Variants in TGFB3 observed in about 807,000 individuals in gnomAD.
The protein encoded by TGFB3 is transforming growth factor beta 3, also known as transforming growth factor beta-3 proprotein.
Under a neutral mutation model 40.1 loss-of-function variants are expected in TGFB3, and 5 were observed. The ratio of observed to expected loss-of-function variants is 0.12; its 90% CI spans 0.07 to 0.26. TGFB3 has a LOEUF of 0.26. Ranked by LOEUF, TGFB3 falls within the 10% of genes least tolerant of loss-of-function variation. The pLI is 1.00. For synonymous variants in TGFB3, 184 were observed against 205.6 expected (o/e 0.89, Z 0.90); for missense variants, 373 against 530.1 (o/e 0.70, Z 2.91).
At position 75,963,030 on chromosome 14, in the gene TGFB3, C is replaced by T. The variant is rs1392639505; in HGVS notation, c.926+286G>A. ...ATGGAGAGGCTTTGACCAAGCCTCT[C>T]CAATCCAAACTATTTTAGCAACACT... On this transcript the variant is annotated intron_variant, in intron 5 of 6. Transcript: ENST00000238682. 18 of 531,500 alleles carry T rather than the reference C, an allele frequency of 3.4e-5. No individual in the cohort carries two copies. The South Asian group carries it at 3.5e-4, about 10-fold the overall frequency. 32.9% of individuals were successfully genotyped at this position (531,500 alleles called of 1,614,324 possible).
Position 75,968,323 on chromosome 14 carries a change from G to A in TGFB3, c.647-2628C>T, listed in dbSNP as rs2140242527. Among the ~76,000 whole-genome samples the A allele has an allele frequency of 2.0e-5, 3 of 152,206 alleles. No homozygotes were observed. The South Asian group carries it at 6.2e-4, about 32-fold the overall frequency. ...TACAAACCTGTGTGATGATTCCCCT[G>A]TGGGAAAGGTGGGCAGTATCTGCCT... On this transcript the variant is annotated intron_variant, in intron 3 of 6. Transcript: ENST00000238682.
At chr14:75,960,714 G>T in intron 6 of TGFB3, 1 of 637,434 alleles carries the variant, frequency 1.6e-6, no homozygotes, top group Non-Finnish European at 2.7e-6. Context: ...TTAAAAAGCT[G>T]GTTGAAACTA....
rs377437504 is a variant in TGFB3 at position 75,980,104 on chromosome 14, T to C, written c.352+438A>G. 6.6e-6 allele frequency among the ~76,000 whole-genome samples: 1 copy of C among 152,100 alleles called. No homozygotes were observed. The highest frequency in any genetic ancestry group is 1.5e-5 in the Non-Finnish European group (1 of 67,998). The stretch of plus-strand genomic sequence containing the variant: ...TGAAACGGAGACGTGTCACAATGAG[T>C]TGTGAAAAGCAGGGAGAAGATGAGG... On this transcript the variant is annotated intron_variant, in intron 1 of 6. Transcript: ENST00000238682. This position sits in a 1 kb window ranked among gnomAD's most constrained non-coding sequence, Gnocchi z 4.3.
At chr14:75,966,848 CT>C (rs1379860837) in intron 3 of TGFB3, 1 of 152,272 alleles carries the variant, frequency 6.6e-6, no homozygotes, top group Non-Finnish European at 1.5e-5. Flanking sequence ...CAGGTAGGAT[CT>C]GGTATCATGT....
intron 3 of TGFB3, chr14:75,970,696 G>A (rs4252330): frequency 0.79 from 197,182 of 249,356 alleles, 78,924 homozygotes; most frequent in South Asian, 0.85. Flanking sequence ...CAGCCACACC[G>A]ATCTGTTTGC....
intron 6 of TGFB3, among the ~76,000 whole-genome samples, chr14:75,960,073 G>C (rs1029231155): frequency 6.7e-6 from 1 of 149,308 alleles, no homozygotes; most frequent in African/African-American, 2.5e-5. Context: ...CTCCCAAGTA[G>C]CTGGGATTAC....
intron 6 of TGFB3, 122 bp downstream of exon 6, chr14:75,960,801 G>A: frequency 7.4e-7 from 1 of 1,350,836 alleles, no homozygotes; most frequent in Non-Finnish European, 1.0e-6. Context: ...TTCACCAGAG[G>A]AATTTTACTC....
At chr14:75,959,488 G>A in intron 6 of TGFB3, 143 bp from the exon 7 acceptor site, 1 of 966,682 alleles carries the variant, frequency 1.0e-6, no homozygotes, top group Non-Finnish European at 1.6e-6. Context: ...AACTGTTGGG[G>A]GCCGGGTGCA....
chr14:75,965,702 A>T lies in TGFB3; in HGVS notation c.647-7T>A. The T allele has an allele frequency of 6.2e-7, 1 of 1,608,716 alleles. No homozygotes were observed. Among genetic ancestry groups the T allele is most frequent in the East Asian group, 2.2e-5 (1 of 44,868 alleles). ...TCTAGACCTAAGTTGGACTCTGCAA[A>T]ATAAGACAGAATTAGTGAGAAAAGC... is the stretch of plus-strand genomic sequence containing the variant. On this transcript the variant is annotated splice_region_variant and splice_polypyrimidine_tract_variant and intron_variant, in intron 3 of 6. Transcript: ENST00000238682.
In TGFB3 at chr14:75,981,782, A is replaced by AAAAAT. The variant is rs1249225554; in HGVS notation, c.-894_-890dup. The AAAAAT allele has an allele frequency of 6.6e-6, 1 of 152,256 alleles. No homozygotes were observed. The highest frequency in any genetic ancestry group is 2.4e-5 in the African/African-American group (1 of 41,442). 9.4% of individuals were successfully genotyped at this position (152,256 alleles called of 1,614,324 possible). A position where few individuals can be genotyped will look rare whatever the true frequency, so the allele number is the denominator to read the frequency against. The stretch of plus-strand genomic sequence containing the variant: ...TCTCTTTAAAAAATAAAAAGGAGAA[A>AAAAAT]AAAATAAAATAAAATAGAAGCCAGT... On this transcript the variant is annotated 5_prime_UTR_variant, in exon 1 of 7. Coordinates refer to ENST00000238682, the MANE Select transcript of TGFB3 (RefSeq NM_003239.5). The surrounding 1 kb of genome is among the most constrained non-coding windows in gnomAD (Gnocchi z 4.7).
At chr14:75,962,678 G>A (rs184487071) in intron 5 of TGFB3, among the ~76,000 whole-genome samples, 183 of 152,250 alleles carry the variant, frequency 1.2e-3, no homozygotes, top group African/African-American at 4.1e-3. Flanking sequence ...TTAATCCTTC[G>A]GACCCTCTCA....
intron 3 of TGFB3, 97 bp from the exon 4 acceptor site, chr14:75,965,792 A>G: frequency 2.1e-6 from 2 of 954,694 alleles, no homozygotes; most frequent in South Asian, 1.3e-5. Context: ...CTCTGCTCCT[A>G]TAGGGACTCA....
chr14:75,969,923 C>T (rs1052553796), intron 3 of TGFB3, among the ~76,000 whole-genome samples: 4 of 152,226 alleles, frequency 2.6e-5, no homozygotes, highest in East Asian at 1.9e-4. Flanking sequence ...GCCCTAGTCT[C>T]GGCCTAGATA....
chr14:75,980,289 T>C lies in TGFB3; in HGVS notation c.352+253A>G, dbSNP rs2140253777. On this transcript the variant is annotated intron_variant, in intron 1 of 6. Transcript: ENST00000238682. The surrounding 1 kb of genome is among the most constrained non-coding windows in gnomAD (Gnocchi z 4.3). Reference sequence around the variant, plus strand: ...AAATTAAAATCAGTCAAGGATGTGATGTGAATTCAGCAAGCCACTCAGCTC... The same window carrying C: ...AAATTAAAATCAGTCAAGGATGTGACGTGAATTCAGCAAGCCACTCAGCTC... 1.3e-5 allele frequency among the ~76,000 whole-genome samples: 2 copies of C among 152,340 alleles called. 1 individual carries two copies. The highest frequency in any genetic ancestry group is 4.1e-4 in the South Asian group (2 of 4,826).
In TGFB3 at chr14:75,971,567, G is replaced by A. The variant is rs148029842; in HGVS notation, c.504C>T (p.Ile168=). The A allele has an allele frequency of 1.2e-4, 194 of 1,614,156 alleles. No homozygotes were observed. The highest frequency in any genetic ancestry group is 1.4e-4 in the Non-Finnish European group (169 of 1,180,008). Residue 168 remains isoleucine, a synonymous_variant, in exon 2 of 7, where the codon ATC becomes ATT. Coordinates refer to ENST00000238682, the MANE Select transcript of TGFB3 (RefSeq NM_003239.5). This position sits in a 1 kb window ranked among gnomAD's most constrained non-coding sequence, Gnocchi z 4.5. The stretch of plus-strand genomic sequence containing the variant: ...AGAGAGGAGTTACCTGGAAGAGCTC[G>A]ATCCTCTGCTCATTCCGCTTAGAGC... ...NPSSKRNEQR[I]ELFQILRPDE... is the part of the protein sequence containing the mutation.
chr14:75,980,804 C>A lies in TGFB3; in HGVS notation c.90G>T (p.Leu30Phe). The A allele has an allele frequency of 1.2e-6, 2 of 1,614,144 alleles. No individual in the cohort carries two copies. Among genetic ancestry groups the A allele is most frequent in the Middle Eastern group, 1.6e-4 (1 of 6,062 alleles). ...VSLSLSTCTTLDFGHIKKKRV... is the reference protein window; with the variant it reads ...VSLSLSTCTTFDFGHIKKKRV... ...TCTTCTTCTTGATGTGGCCGAAGTC[C>A]AAGGTGGTGCAAGTGGACAGAGAGA... The change falls in exon 1 of 7, where the codon TTG (leucine) becomes TTT (phenylalanine). Residue 30 changes from leucine to phenylalanine, a missense_variant. Coordinates refer to ENST00000238682, the MANE Select transcript of TGFB3 (RefSeq NM_003239.5). The surrounding 1 kb of genome is among the most constrained non-coding windows in gnomAD (Gnocchi z 4.3).
intron 5 of TGFB3, 146 bp downstream of exon 5, chr14:75,963,170 T>G: frequency 2.2e-6 from 2 of 908,790 alleles, no homozygotes; most frequent in Non-Finnish European, 3.6e-6. Flanking sequence ...AAAATCTCTG[T>G]GAGAGATTTT....
chr14:75,970,234 C>T (rs2035272046), intron 3 of TGFB3, among the ~76,000 whole-genome samples: 1 of 152,090 alleles, frequency 6.6e-6, no homozygotes, highest in Admixed American at 6.5e-5. Flanking sequence ...TGGAATAAGT[C>T]CTGAAACCTC....
chr14:75,976,296 C>A (rs150634147), intron 1 of TGFB3, among the ~76,000 whole-genome samples: 1 of 152,264 alleles, frequency 6.6e-6, no homozygotes, highest in African/African-American at 2.4e-5. Flanking sequence ...TCTGACTACA[C>A]TGGAGTGAGT....
Sources: allele counts gnomAD v4.1 joint callset (sites outside exome capture counted in the v4.1 genomes callset), GRCh38; gene constraint gnomAD v4.1.1; non-coding constraint Gnocchi (gnomAD v3.1); transcripts MANE v1.5; gene names NCBI Gene and HGNC (gene_info 2026-07-23, HGNC 2026-07-21).